Variants in CANT1 observed in about 807,000 individuals in gnomAD.
CANT1 encodes the protein soluble calcium-activated nucleotidase 1.
Under a neutral mutation model 30.0 loss-of-function variants are expected in CANT1, and 26 were observed. That is an observed-to-expected ratio of 0.87 (90% CI 0.64 to 1.20). The LOEUF is 1.20. Among genes scored for constraint, CANT1 ranks in the 50% most tolerant of loss-of-function variants. CANT1 has a pLI of 0.00. For synonymous variants in CANT1, 246 were observed against 251.8 expected (o/e 0.98, Z 0.22); for missense variants, 518 against 563.0 (o/e 0.92, Z 0.81).
Position 78,996,796 on chromosome 17 carries a change from G to T in CANT1, c.631+196C>A. On this transcript the variant is annotated intron_variant, in intron 3 of 4. Transcript: ENST00000392446. This position sits in a 1 kb window ranked among gnomAD's most constrained non-coding sequence, Gnocchi z 5.1. ...AGCTCTTCCTCCTAGAAACTGCTCA[G>T]TGTGAAGTGACAGTAGGCTATGCTC... 3 of 781,714 alleles carry T rather than the reference G, an allele frequency of 3.8e-6. No homozygotes were observed. The highest frequency in any genetic ancestry group is 4.5e-6 in the Non-Finnish European group (2 of 443,324). 48.4% of individuals were successfully genotyped at this position (781,714 alleles called of 1,614,324 possible).
chr17:79,007,778 T>G (rs1470313266), intron 1 of CANT1, among the ~76,000 whole-genome samples: 1 of 152,102 alleles, frequency 6.6e-6, no homozygotes, highest in Non-Finnish European at 1.5e-5. Context: ...ACCAACACAT[T>G]TACTAAGCTG....
intron 4 of CANT1, among the ~76,000 whole-genome samples, chr17:78,994,245 T>A (rs565983052): frequency 2.0e-5 from 3 of 151,812 alleles, no homozygotes; most frequent in Non-Finnish European, 4.4e-5. Context: ...CAAACCCCCA[T>A]TGGATGTGGG....
At position 78,996,861 on chromosome 17, in the gene CANT1, G is replaced by A. The variant is rs904924672; in HGVS notation, c.631+131C>T. 6.2e-6 allele frequency: 8 copies of A among 1,285,806 alleles called. No homozygotes were observed. The highest frequency in any genetic ancestry group is 5.0e-5 in the Admixed American group (3 of 59,626). The allele number at this position is 1,285,806 out of a possible 1,614,324, so 79.6% of individuals were successfully genotyped here. Reference sequence around the variant, plus strand: ...GGGGGCCGCAGGTCAGAGCAAGAGGGAGACGTGCTCCCTCACCACATCCCT... The same window carrying A: ...GGGGGCCGCAGGTCAGAGCAAGAGGAAGACGTGCTCCCTCACCACATCCCT... On this transcript the variant is annotated intron_variant, in intron 3 of 4. Coordinates refer to ENST00000392446, the MANE Select transcript of CANT1 (RefSeq NM_001159773.2). This position sits in a 1 kb window ranked among gnomAD's most constrained non-coding sequence, Gnocchi z 5.1.
intron 1 of CANT1, among the ~76,000 whole-genome samples, chr17:79,007,888 C>T (rs549977335): frequency 1.5e-3 from 224 of 152,354 alleles, no homozygotes; most frequent in Middle Eastern, 0.014. Flanking sequence ...AGCGAGGTGT[C>T]CCAGGGTCCA....
chr17:78,997,635 C>A lies in CANT1; in HGVS notation c.-13G>T. On this transcript the variant is annotated 5_prime_UTR_variant, in exon 3 of 5. Transcript: ENST00000392446. This position sits in a 1 kb window ranked among gnomAD's most constrained non-coding sequence, Gnocchi z 7.5. ...GCTGCACGGGCATCAGCGTGACAGA[C>A]AGGCGGGACCTGCACAGCCAGGGAG... 5 of 1,559,006 alleles carry A rather than the reference C, an allele frequency of 3.2e-6. No individual in the cohort carries two copies. Among genetic ancestry groups the A allele is most frequent in the Non-Finnish European group, 4.3e-6 (5 of 1,151,754 alleles).
chr17:79,002,666 T>C lies in CANT1; in HGVS notation c.-146-4703A>G, dbSNP rs58416967. ...AACAGACTGTGGAGGCTGAAAATACTGACTCCCTGTCCCTCGACAGATCCC... is the reference window on the plus strand; with the variant it reads ...AACAGACTGTGGAGGCTGAAAATACCGACTCCCTGTCCCTCGACAGATCCC... On this transcript the variant is annotated intron_variant, in intron 1 of 4. Coordinates refer to ENST00000392446, the MANE Select transcript of CANT1 (RefSeq NM_001159773.2). This position sits in a 1 kb window ranked among gnomAD's most constrained non-coding sequence, Gnocchi z 4.0. 0.073 allele frequency among the ~76,000 whole-genome samples: 11,169 copies of C among 152,286 alleles called. 787 individuals carry two copies. The highest frequency in any genetic ancestry group is 0.32 in the East Asian group (1,629 of 5,162).
At position 78,997,470 on chromosome 17, in the gene CANT1, C is replaced by T. The variant is rs762984383; in HGVS notation, c.153G>A (p.Val51=). The change falls in exon 3 of 5, where the codon GTG becomes GTA. Residue 51 remains valine, a synonymous_variant. Coordinates refer to ENST00000392446, the MANE Select transcript of CANT1 (RefSeq NM_001159773.2). This position sits in a 1 kb window ranked among gnomAD's most constrained non-coding sequence, Gnocchi z 7.5. The stretch of plus-strand genomic sequence containing the variant: ...AGAGCAGCCAGAGGATGGCAGCACC[C>T]ACAAAGAACGTCAGGATCACCTTCC... ...PRWKVILTFF[V]GAAILWLLCS... 7 of 1,592,708 alleles carry T rather than the reference C, an allele frequency of 4.4e-6. No individual in the cohort carries two copies. The highest frequency in any genetic ancestry group is 6.0e-6 in the Non-Finnish European group (7 of 1,166,986).
At chr17:79,006,451 A>G (rs759377502) in intron 1 of CANT1, among the ~76,000 whole-genome samples, 3 of 152,166 alleles carry the variant, frequency 2.0e-5, no homozygotes, top group Non-Finnish European at 4.4e-5. Flanking sequence ...ACATATTCAC[A>G]GGCTCAGAAG....
chr17:78,999,944 C>T (rs1027382028), intron 1 of CANT1, among the ~76,000 whole-genome samples: 1 of 152,004 alleles, frequency 6.6e-6, no homozygotes, highest in Non-Finnish European at 1.5e-5. Context: ...TGAGCCAACA[C>T]ACCTGGGGCA....
rs1188364247 is a variant in CANT1, at chr17:78,995,720, T to G, written c.632-499A>C. ...TGATTTATTTAAAATAAGCCTAACTTTGAAGGCTGCCACAGTTCAGGCTGT... is the reference window on the plus strand; with the variant it reads ...TGATTTATTTAAAATAAGCCTAACTGTGAAGGCTGCCACAGTTCAGGCTGT... On this transcript the variant is annotated intron_variant, in intron 3 of 4. Transcript: ENST00000392446. The surrounding 1 kb of genome is among the most constrained non-coding windows in gnomAD (Gnocchi z 5.7). 1.3e-5 allele frequency among the ~76,000 whole-genome samples: 2 copies of G among 152,200 alleles called. No homozygotes were observed. The highest frequency in any genetic ancestry group is 2.9e-5 in the Non-Finnish European group (2 of 68,034).
At position 78,998,616 on chromosome 17, in the gene CANT1, A is replaced by C. The variant is rs1046526053; in HGVS notation, c.-146-653T>G. Among the ~76,000 whole-genome samples the C allele has an allele frequency of 6.6e-5, 10 of 152,348 alleles. No individual in the cohort carries two copies. In the South Asian group the frequency reaches 1.4e-3, roughly 22 times the overall value. Reference sequence around the variant, plus strand: ...CTGCAGCCCTTCACTGCTGTCGCCAAGCCCACTTCCCGGGCATACAGCATG... The same window carrying C: ...CTGCAGCCCTTCACTGCTGTCGCCACGCCCACTTCCCGGGCATACAGCATG... On this transcript the variant is annotated intron_variant, in intron 1 of 4. Coordinates refer to ENST00000392446, the MANE Select transcript of CANT1 (RefSeq NM_001159773.2). This position sits in a 1 kb window ranked among gnomAD's most constrained non-coding sequence, Gnocchi z 4.5.
chr17:78,993,503 T>C lies in CANT1; in HGVS notation c.*47A>G, dbSNP rs764137638. The stretch of plus-strand genomic sequence containing the variant: ...AACAAAAGTGCACTCCTCTTGTTTT[T>C]ATAAAAGCTGAGTCCTGATGGCCTT... On this transcript the variant is annotated 3_prime_UTR_variant, in exon 5 of 5. Transcript: ENST00000392446. This position sits in a 1 kb window ranked among gnomAD's most constrained non-coding sequence, Gnocchi z 4.5. 22 of 1,613,696 alleles carry C rather than the reference T, an allele frequency of 1.4e-5. No individual in the cohort carries two copies. Among genetic ancestry groups the C allele is most frequent in the Non-Finnish European group, 1.8e-5 (21 of 1,179,896 alleles).
rs191775064 is a variant in CANT1, at chr17:78,994,142, C to T, written c.836-222G>A. Among the ~76,000 whole-genome samples the T allele has an allele frequency of 6.6e-5, 10 of 151,902 alleles. No individual in the cohort carries two copies. In the East Asian group the frequency reaches 1.4e-3, roughly 21 times the overall value. ...CACCCGCTCCCTTGAAGCCTCCTCC[C>T]GTTCCACCGAGAGCTGCCTGTGAGC... On this transcript the variant is annotated intron_variant, in intron 4 of 4. Coordinates refer to ENST00000392446, the MANE Select transcript of CANT1 (RefSeq NM_001159773.2).
At chr17:79,001,997 G>A (rs937367500) in intron 1 of CANT1, among the ~76,000 whole-genome samples, 1 of 151,650 alleles carries the variant, frequency 6.6e-6, no homozygotes, top group South Asian at 2.1e-4. Flanking sequence ...CACCCAGCTT[G>A]AGACTCGCTT....
At chr17:79,007,607 G>A (rs1173891976) in intron 1 of CANT1, among the ~76,000 whole-genome samples, 1 of 152,152 alleles carries the variant, frequency 6.6e-6, no homozygotes, top group East Asian at 1.9e-4. Flanking sequence ...CACCTCGAAA[G>A]CCACATCCAG....
chr17:78,992,571 C>A lies in CANT1; in HGVS notation c.*979G>T. 2.4e-6 allele frequency: 1 copy of A among 412,062 alleles called. No individual in the cohort carries two copies. The allele number at this position is 412,062 out of a possible 1,614,324, so 25.5% of individuals were successfully genotyped here. A position where few individuals can be genotyped will look rare whatever the true frequency, so the allele number is the denominator to read the frequency against. On this transcript the variant is annotated 3_prime_UTR_variant, in exon 5 of 5. Coordinates refer to ENST00000392446, the MANE Select transcript of CANT1 (RefSeq NM_001159773.2). ...AAGAAACCCCAGGGAAGAGACAGGC[C>A]TCGTTCACAGACCCTAGGCAGGGAA...
In CANT1 at chr17:79,009,756, T is replaced by C. The variant is rs12949479; in HGVS notation, c.-239A>G. The C allele has an allele frequency of 0.26, 38,814 of 151,284 alleles. 5,918 individuals carry two copies. The highest frequency in any genetic ancestry group is 0.41 in the East Asian group (2,130 of 5,154). 9.4% of individuals were successfully genotyped at this position (151,284 alleles called of 1,614,324 possible). A position where few individuals can be genotyped will look rare whatever the true frequency, so the allele number is the denominator to read the frequency against. On this transcript the variant is annotated 5_prime_UTR_variant, in exon 1 of 5. Transcript: ENST00000392446. ...GGCTAACGGCCGGGACGGAGGAAGG[T>C]GGCCGACTTCCGCCCCGCGCGCGCT...
rs1416640588 is a variant in CANT1 at position 78,995,316 on chromosome 17, GCACCTGACTCCCGCCCGGCTCCA to G, written c.632-118_632-96del. ...GGCCCCGCACCTGTCCTTAGACCCC[GCACCTGACTCCCGCCCGGCTCCA>G]CACCTGCCTCCCCTCCGGCCCGCAC... is the stretch of plus-strand genomic sequence containing the variant. On this transcript the variant is annotated intron_variant, in intron 3 of 4. Coordinates refer to ENST00000392446, the MANE Select transcript of CANT1 (RefSeq NM_001159773.2). This position sits in a 1 kb window ranked among gnomAD's most constrained non-coding sequence, Gnocchi z 5.7. 1.5e-6 allele frequency: 2 copies of G among 1,320,582 alleles called. No homozygotes were observed. Among genetic ancestry groups the G allele is most frequent in the Non-Finnish European group, 1.1e-6 (1 of 948,300 alleles). 81.8% of individuals were successfully genotyped at this position (1,320,582 alleles called of 1,614,324 possible).
At chr17:78,999,487 TTC>T (rs2071166726) in intron 1 of CANT1, among the ~76,000 whole-genome samples, 1 of 152,056 alleles carries the variant, frequency 6.6e-6, no homozygotes, top group South Asian at 2.1e-4. Flanking sequence ...CCGCCTACAT[TTC>T]TTTTTTTGTT....
Sources: allele counts gnomAD v4.1 joint callset (sites outside exome capture counted in the v4.1 genomes callset), GRCh38; gene constraint gnomAD v4.1.1; non-coding constraint Gnocchi (gnomAD v3.1); transcripts MANE v1.5; gene names NCBI Gene and HGNC (gene_info 2026-07-23, HGNC 2026-07-21).